Variants in ESCO1 observed in about 807,000 individuals in gnomAD.
The protein encoded by ESCO1 is establishment of sister chromatid cohesion N-acetyltransferase 1.
ESCO1 carries 33 observed loss-of-function variants against 83.5 expected under a neutral mutation model. That is an observed-to-expected ratio of 0.40 (90% CI 0.30 to 0.53). The LOEUF (loss-of-function observed/expected upper bound fraction) is 0.53, where lower values mean the gene tolerates loss of function less well. Ranked by LOEUF, ESCO1 falls within the 20% of genes least tolerant of loss-of-function variation. The pLI is 0.63. For missense variants in ESCO1, 855 were observed against 968.0 expected (o/e 0.88, Z 1.55); for synonymous variants, 332 against 324.3 (o/e 1.02, Z -0.25).
intron 8 of ESCO1, among the ~76,000 whole-genome samples, chr18:21,552,030 A>ACCTT (rs1436765861): frequency 2.6e-5 from 4 of 152,234 alleles, no homozygotes; most frequent in African/African-American, 4.8e-5. Flanking sequence ...AAGACTCAAT[A>ACCTT]TTGTCAAAAG....
intron 2 of ESCO1, among the ~76,000 whole-genome samples, chr18:21,581,595 A>T (rs754065302): frequency 6.6e-6 from 1 of 152,124 alleles, no homozygotes; most frequent in Non-Finnish European, 1.5e-5. Context: ...TGGACGACAG[A>T]GCAAGACTCC....
chr18:21,556,119 G>A (rs1371084384), intron 8 of ESCO1, among the ~76,000 whole-genome samples: 1 of 151,696 alleles, frequency 6.6e-6, no homozygotes, highest in Non-Finnish European at 1.5e-5. Flanking sequence ...GCCAGGCATG[G>A]TGGCACACAA....
intron 7 of ESCO1, among the ~76,000 whole-genome samples, 187 bp downstream of exon 7, chr18:21,564,016 C>T (rs2146201384): frequency 6.6e-6 from 1 of 152,188 alleles, no homozygotes; most frequent in South Asian, 2.1e-4. Context: ...TCCCTTTCTG[C>T]TTTCCTCCAT....
intron 2 of ESCO1, among the ~76,000 whole-genome samples, chr18:21,576,925 C>T (rs1045883278): frequency 6.6e-6 from 1 of 151,740 alleles, no homozygotes; most frequent in Admixed American, 6.6e-5. Context: ...CCCAGCTACT[C>T]GGGAGGCTGA....
chr18:21,552,465 G>A (rs1161922469), intron 8 of ESCO1, among the ~76,000 whole-genome samples: 10 of 152,138 alleles, frequency 6.6e-5, no homozygotes, highest in Admixed American at 6.5e-4. Flanking sequence ...TCTCTCTCCT[G>A]ACACCATGTG....
intron 1 of ESCO1, among the ~76,000 whole-genome samples, chr18:21,584,641 T>C (rs891397022): frequency 1.3e-5 from 2 of 152,042 alleles, no homozygotes; most frequent in East Asian, 3.9e-4. Flanking sequence ...GGCAACATGA[T>C]GAAACTCTGT....
chr18:21,591,623 T>A (rs1357056178), intron 1 of ESCO1, among the ~76,000 whole-genome samples: 1 of 152,004 alleles, frequency 6.6e-6, no homozygotes, highest in Non-Finnish European at 1.5e-5. Context: ...CACACTGTTA[T>A]CATCAACTCC....
At chr18:21,572,921 G>A (rs1598469936) in intron 4 of ESCO1, among the ~76,000 whole-genome samples, 1 of 151,034 alleles carries the variant, frequency 6.6e-6, no homozygotes, top group Admixed American at 6.6e-5. Context: ...CTGAGATTGT[G>A]CCATTGCATG....
At chr18:21,549,555 C>T (rs2038018734) in intron 8 of ESCO1, among the ~76,000 whole-genome samples, 1 of 151,926 alleles carries the variant, frequency 6.6e-6, no homozygotes, top group African/African-American at 2.4e-5. Context: ...GCTGGGATTA[C>T]AGGCAGACAC....
In ESCO1 at chr18:21,547,259, A is replaced by G. The variant is rs1237787985; in HGVS notation, c.1954-7250T>C. The stretch of plus-strand genomic sequence containing the variant: ...ATAAAAGATCTTTATAATAATTTTT[A>G]AAAACAAGGTCGACAGTTAATAAAT... On this transcript the variant is annotated intron_variant, in intron 8 of 11. Transcript: ENST00000269214. 2.6e-5 allele frequency among the ~76,000 whole-genome samples: 4 copies of G among 152,154 alleles called. No homozygotes were observed. The East Asian group carries it at 5.8e-4, about 22-fold the overall frequency.
chr18:21,566,181 A>G lies in ESCO1; in HGVS notation c.1671T>C (p.Ile557=), dbSNP rs2038257353. The change falls in exon 6 of 12, where the codon ATT becomes ATC. Residue 557 remains isoleucine, a synonymous_variant. Transcript: ENST00000269214. The stretch of plus-strand genomic sequence containing the variant: ...TGCTTTTAGATGTCTGGTTACTGAG[A>G]ATACTATGCTGTTGGGGAGCTGAAC... ...FPGSAPQQHS[I]LSNQTSKSSD... is the part of the protein sequence containing the mutation. The G allele has an allele frequency of 1.7e-5, 28 of 1,613,406 alleles. No individual in the cohort carries two copies. The highest frequency in any genetic ancestry group is 2.4e-5 in the Non-Finnish European group (28 of 1,179,652).
intron 9 of ESCO1, among the ~76,000 whole-genome samples, chr18:21,538,744 T>C (rs931761858): frequency 5.3e-5 from 8 of 152,126 alleles, no homozygotes; most frequent in African/African-American, 1.9e-4. Flanking sequence ...TTTCCTCCTG[T>C]TTCCAGACAT....
chr18:21,592,894 G>A (rs1397708552), intron 1 of ESCO1: 4 of 166,910 alleles, frequency 2.4e-5, no homozygotes, highest in Non-Finnish European at 2.6e-5. Context: ...GGGCAGAGAC[G>A]CTCCTCACCT....
At chr18:21,597,888 A>G (rs2038787946) in intron 1 of ESCO1, among the ~76,000 whole-genome samples, 1 of 152,186 alleles carries the variant, frequency 6.6e-6, no homozygotes, top group Admixed American at 6.6e-5. Context: ...AAAAGACAAG[A>G]CATGATGGCT....
intron 2 of ESCO1, among the ~76,000 whole-genome samples, chr18:21,580,790 G>C (rs1478250077): frequency 6.6e-6 from 1 of 151,738 alleles, no homozygotes; most frequent in East Asian, 1.9e-4. Flanking sequence ...AGGAGTTCGA[G>C]ACCAGCCTGA....
At chr18:21,597,200 A>AT (rs1210000317) in intron 1 of ESCO1, among the ~76,000 whole-genome samples, 1 of 152,192 alleles carries the variant, frequency 6.6e-6, no homozygotes, top group Non-Finnish European at 1.5e-5. Flanking sequence ...TACCCCACCC[A>AT]ACATACTGGT....
rs779920984 is a variant in ESCO1, at chr18:21,573,325, C to T, written c.1519G>A (p.Ala507Thr). ...TAAAAACAGATTACCTTATTTGATG[C>T]TGAATCAAAAGAATGTTTCATCTGA... The part of the protein sequence containing the change: ...DNQMKHSFDS[A>T]SNKNFSQCLE... Residue 507 changes from alanine (A) to threonine (T), a missense_variant, in exon 4 of 12, where the codon GCA becomes ACA. Ala to Thr is a moderately conservative substitution (Grantham distance 58). This residue lies in a region of ESCO1 where 726 missense variants were observed against 699.5 expected (regional missense o/e 1.04). Coordinates refer to ENST00000269214, the MANE Select transcript of ESCO1 (RefSeq NM_052911.3). 3 of 1,571,016 alleles carry T rather than the reference C, an allele frequency of 1.9e-6. No homozygotes were observed. The highest frequency in any genetic ancestry group is 2.2e-5 in the East Asian group (1 of 44,700).
chr18:21,554,961 C>T (rs4800796), intron 8 of ESCO1, among the ~76,000 whole-genome samples: 75,698 of 151,582 alleles, frequency 0.5, 21,529 homozygotes, highest in African/African-American at 0.78. Context: ...CCAGGTGTGG[C>T]GACACACGCC....
At chr18:21,578,379 T>C (rs566702083) in intron 2 of ESCO1, among the ~76,000 whole-genome samples, 2 of 151,546 alleles carry the variant, frequency 1.3e-5, no homozygotes, top group South Asian at 4.2e-4. Flanking sequence ...TCCTATAAAG[T>C]AGATCAAAAT....
Sources: gnomAD v4.1 joint callset for allele counts (sites outside exome capture counted in the v4.1 genomes callset) on GRCh38, gnomAD v4.1.1 for gene constraint, gnomAD v4.1.1 regional missense constraint, MANE v1.5 for transcripts, NCBI Gene and HGNC (gene_info 2026-07-23, HGNC 2026-07-21) for gene names.